The following TRMT10B variants were observed in gnomAD, a reference collection of about 807,000 sequenced individuals.
TRMT10B encodes tRNA methyltransferase 10 homolog B.
In TRMT10B, 33 loss-of-function variants were observed where a neutral mutation model predicts 43.8. That is an observed-to-expected ratio of 0.75 (90% CI 0.57 to 1.01). TRMT10B has a LOEUF of 1.01. Ranked by LOEUF, TRMT10B falls within the 50% of genes least tolerant of loss-of-function variation. The pLI is 0.00. For missense variants in TRMT10B, 362 were observed against 369.8 expected (o/e 0.98, Z 0.17); for synonymous variants, 137 against 130.6 (o/e 1.05, Z -0.34).
In TRMT10B at chr9:37,778,866, A is replaced by C. The variant is rs1437273935; in HGVS notation, c.*1159A>C. 6.6e-6 allele frequency: 1 copy of C among 152,150 alleles called. No homozygotes were observed. Among genetic ancestry groups the C allele is most frequent in the African/African-American group, 2.4e-5 (1 of 41,414 alleles). 9.4% of individuals were successfully genotyped at this position (152,150 alleles called of 1,614,324 possible). A position where few individuals can be genotyped will look rare whatever the true frequency, so the allele number is the denominator to read the frequency against. ...CTTCCTAATCCTTCCTAATGGTAGG[A>C]TCCTAACAGGACAAATCTGTGTACC... On this transcript the variant is annotated 3_prime_UTR_variant, in exon 9 of 9. Transcript: ENST00000297994.
intron 1 of TRMT10B, among the ~76,000 whole-genome samples, chr9:37,760,316 C>T (rs1402933672): frequency 1.3e-5 from 2 of 152,100 alleles, no homozygotes; most frequent in East Asian, 3.9e-4. Flanking sequence ...TGTGAGACTC[C>T]ATCTCAAAAT....
intron 2 of TRMT10B, 166 bp from the exon 3 acceptor site, chr9:37,762,411 G>A: frequency 9.3e-7 from 1 of 1,080,786 alleles, no homozygotes; most frequent in Non-Finnish European, 1.3e-6. Flanking sequence ...CTGGGGCTCT[G>A]TTTTCTCTAA....
upstream of TRMT10B, among the ~76,000 whole-genome samples, chr9:37,753,284 A>G (rs536788249): frequency 1.9e-4 from 29 of 152,204 alleles, no homozygotes; most frequent in Non-Finnish European, 3.1e-4. Flanking sequence ...CGGACACAAT[A>G]TGATATCAGG....
chr9:37,767,491 T>TAACACAGCC (rs1341849240), intron 4 of TRMT10B: 3 of 74,944 alleles, frequency 4.0e-5, no homozygotes, highest in African/African-American at 1.8e-4. Flanking sequence ...CCAGCCTGGG[T>TAACACAGCC]AACACAGCCA....
intron 4 of TRMT10B, among the ~76,000 whole-genome samples, chr9:37,766,818 G>A (rs1176609770): frequency 6.6e-6 from 1 of 152,136 alleles, no homozygotes; most frequent in African/African-American, 2.4e-5. Context: ...GGGTTCCTAG[G>A]TATTTTATTC....
chr9:37,753,114 A>G (rs1017898350), upstream of TRMT10B, among the ~76,000 whole-genome samples: 2 of 151,978 alleles, frequency 1.3e-5, no homozygotes, highest in African/African-American at 4.8e-5. Context: ...AAGAGATTTA[A>G]CACTCATTGC....
rs755668849 is a variant in TRMT10B at position 37,777,759 on chromosome 9, A to T, written c.*52A>T. 1 of 1,462,762 alleles carries T rather than the reference A, an allele frequency of 6.8e-7. No individual in the cohort carries two copies. The highest frequency in any genetic ancestry group is 2.3e-5 in the East Asian group (1 of 43,974). The allele number at this position is 1,462,762 out of a possible 1,614,324, so 90.6% of individuals were successfully genotyped here. On this transcript the variant is annotated 3_prime_UTR_variant, in exon 9 of 9. Coordinates refer to ENST00000297994, the MANE Select transcript of TRMT10B (RefSeq NM_144964.4). ...CAGGTGCTCACGCCGTAATGCCAAC[A>T]CTTTGGTAGACCGAAGTGGGCAGAT...
intron 1 of TRMT10B, among the ~76,000 whole-genome samples, chr9:37,754,066 G>A (rs1001821771): frequency 6.6e-6 from 1 of 152,252 alleles, no homozygotes; most frequent in African/African-American, 2.4e-5. Context: ...GTGCTCTCAG[G>A]CTGAATTCGA....
chr9:37,770,249 T>C (rs1827423816), intron 6 of TRMT10B, among the ~76,000 whole-genome samples: 3 of 152,198 alleles, frequency 2.0e-5, no homozygotes, highest in Non-Finnish European at 4.4e-5. Context: ...ATCTGGGCCT[T>C]GTGTAGTGCC....
intron 4 of TRMT10B, chr9:37,767,339 G>C (rs894226957): frequency 3.3e-5 from 5 of 151,392 alleles, no homozygotes; most frequent in African/African-American, 1.2e-4. Context: ...AATATAGGAA[G>C]ACCCTGCCTC....
rs547647974 is a variant in TRMT10B, at chr9:37,762,283, G to A, written c.186+166G>A. On this transcript the variant is annotated intron_variant, in intron 2 of 8. Coordinates refer to ENST00000297994, the MANE Select transcript of TRMT10B (RefSeq NM_144964.4). ...GGTTTAAAGTTTTAGTTCCATTTGA[G>A]TCATAGGAAAAGTTCAAAAGGAATT... is the stretch of plus-strand genomic sequence containing the variant. Among the ~76,000 whole-genome samples the A allele has an allele frequency of 4.0e-4, 61 of 152,288 alleles. 1 individual carries two copies. Among genetic ancestry groups the A allele is most frequent in the South Asian group, 1.5e-3 (7 of 4,818 alleles).
intron 1 of TRMT10B, among the ~76,000 whole-genome samples, chr9:37,759,505 G>A (rs557046245): frequency 2.0e-4 from 31 of 152,320 alleles, no homozygotes; most frequent in African/African-American, 6.7e-4. Context: ...TTTGGAAAGT[G>A]GAGAAGAAAG....
intron 4 of TRMT10B, chr9:37,767,513 CAAAAA>C (rs61468987): frequency 0.19 from 14,486 of 78,016 alleles, 1,749 homozygotes; most frequent in East Asian, 0.48. Flanking sequence ...ACCCTGTCTC[CAAAAA>C]AAAAAAAAAA....
intron 1 of TRMT10B, among the ~76,000 whole-genome samples, chr9:37,756,735 TATATATAC>T (rs912952265): frequency 2.0e-5 from 3 of 150,944 alleles, no homozygotes; most frequent in Non-Finnish European, 4.4e-5. Flanking sequence ...GATATATATA[TATATATAC>T]ACACACACAC....
At position 37,765,930 on chromosome 9, in the gene TRMT10B, G is replaced by T. The variant is rs201763654; in HGVS notation, c.421-2146G>T. Among the ~76,000 whole-genome samples the T allele has an allele frequency of 7.9e-3, 1,137 of 143,338 alleles. 14 individuals carry two copies. Among genetic ancestry groups the T allele is most frequent in the African/African-American group, 0.025 (994 of 39,168 alleles). The allele number at this position is 143,338 out of a possible 152,430, so 94.0% of individuals were successfully genotyped here. A position where few individuals can be genotyped will look rare whatever the true frequency, so the allele number is the denominator to read the frequency against. ...ATATCCTTTGCCCACTTTTTGATGG[G>T]TTTTTTTTTTTTTGTAAATTTGAGT... On this transcript the variant is annotated intron_variant, in intron 4 of 8. Coordinates refer to ENST00000297994, the MANE Select transcript of TRMT10B (RefSeq NM_144964.4).
At position 37,770,723 on chromosome 9, in the gene TRMT10B, A is replaced by T; in HGVS notation, c.704A>T (p.Asp235Val). Residue 235 changes from aspartate to valine, a missense_variant, in exon 7 of 9, where the codon GAT (aspartate) becomes GTT (valine). Coordinates refer to ENST00000297994, the MANE Select transcript of TRMT10B (RefSeq NM_144964.4). Reference protein sequence around the residue: ...NKVYILGGLVDESIQKKVTFQ... With the variant: ...NKVYILGGLVVESIQKKVTFQ... ...GTTTACATCCTCGGTGGGCTTGTGGATGAAAGCATTCAGAAGGTAAGTATA... is the reference window on the plus strand; with the variant it reads ...GTTTACATCCTCGGTGGGCTTGTGGTTGAAAGCATTCAGAAGGTAAGTATA... 3 of 1,613,926 alleles carry T rather than the reference A, an allele frequency of 1.9e-6. No homozygotes were observed. The highest frequency in any genetic ancestry group is 2.5e-6 in the Non-Finnish European group (3 of 1,180,014).
chr9:37,762,402 T>C (rs1042955861), intron 2 of TRMT10B, 175 bp from the exon 3 acceptor site: 4 of 1,003,646 alleles, frequency 4.0e-6, no homozygotes, highest in Non-Finnish European at 4.2e-6. Flanking sequence ...TCTCTTTTTC[T>C]GGGGCTCTGT....
intron 1 of TRMT10B, among the ~76,000 whole-genome samples, chr9:37,761,675 G>GT (rs1287800904): frequency 6.6e-6 from 1 of 152,218 alleles, no homozygotes; most frequent in Admixed American, 6.5e-5. Context: ...TCCAGCCTGA[G>GT]TAACGAGAGC....
In TRMT10B at chr9:37,763,641, A is replaced by C; in HGVS notation, c.308A>C (p.Gln103Pro). The part of the protein sequence containing the change: ...NRAENPGICP[Q>P]HSKRFLRALT... Reference sequence around the variant, plus strand: ...ATTTCTGCTTTAGGCATTTGCCCCCAGCACAGCAAACGTTTCCTGAGAGCT... The same window carrying C: ...ATTTCTGCTTTAGGCATTTGCCCCCCGCACAGCAAACGTTTCCTGAGAGCT... The change falls in exon 4 of 9, where the codon CAG (glutamine) becomes CCG (proline). Residue 103 changes from glutamine (Q) to proline (P), a missense_variant. Physicochemically the swap from Gln to Pro is moderately conservative, Grantham distance 76. Transcript: ENST00000297994. 1 of 1,614,144 alleles carries C rather than the reference A, an allele frequency of 6.2e-7. No homozygotes were observed. Among genetic ancestry groups the C allele is most frequent in the African/African-American group, 1.3e-5 (1 of 75,050 alleles).
Sources: gnomAD v4.1 joint callset for allele counts (sites outside exome capture counted in the v4.1 genomes callset) on GRCh38, gnomAD v4.1.1 for gene constraint, MANE v1.5 for transcripts, NCBI Gene and HGNC (gene_info 2026-07-23, HGNC 2026-07-21) for gene names.